The following PHLDB2 variants were observed in gnomAD, a reference collection of about 807,000 sequenced individuals.
PHLDB2 encodes pleckstrin homology-like domain family B member 2.
In PHLDB2, 71 loss-of-function variants were observed where a neutral mutation model predicts 123.6. The ratio of observed to expected loss-of-function variants is 0.57; its 90% CI spans 0.47 to 0.70. The LOEUF (loss-of-function observed/expected upper bound fraction) is 0.70. Among genes scored for constraint, PHLDB2 ranks in the 30% least tolerant of loss-of-function variants. The pLI is 0.00. For missense variants in PHLDB2, 1,446 were observed against 1,519.5 expected, an observed-to-expected ratio of 0.95 and a Z score of 0.80; for synonymous variants, 547 against 541.6, an observed-to-expected ratio of 1.01 and a Z score of -0.14.
At chr3:111,817,503 C>T (rs927198810) in intron 1 of PHLDB2, among the ~76,000 whole-genome samples, 2 of 152,198 alleles carry the variant, frequency 1.3e-5, no homozygotes, top group Non-Finnish European at 2.9e-5. Context: ...TTAGAAAGGT[C>T]ACTTTCTGAG....
chr3:111,850,330 A>T (rs1280688157), intron 2 of PHLDB2, among the ~76,000 whole-genome samples: 1 of 152,188 alleles, frequency 6.6e-6, no homozygotes, highest in African/African-American at 2.4e-5. Flanking sequence ...AGGGATAAAA[A>T]ACTGCACATT....
chr3:111,856,714 T>G (rs1159425729), upstream of PHLDB2, among the ~76,000 whole-genome samples: 1 of 152,308 alleles, frequency 6.6e-6, no homozygotes, highest in South Asian at 2.1e-4. Context: ...CACAGTGCTT[T>G]GGGTCAAAGC....
At chr3:111,834,080 C>T (rs62644683) in intron 1 of PHLDB2, among the ~76,000 whole-genome samples, 58,780 of 60,536 alleles carry the variant, frequency 0.97, 28,605 homozygotes, top group East Asian at 0.98. Flanking sequence ...ATTATATATA[C>T]TATATATGTA....
rs190391158 is a variant in PHLDB2 at position 111,742,308 on chromosome 3, T to C, written c.-49+9605T>C. ...TCAAATATTTTCCATTGTTCTTTTA[T>C]ATATATATATTTTTTATTATACTTT... On this transcript the variant is annotated intron_variant, in intron 1 of 17. Transcript: ENST00000393923. 1.7e-3 allele frequency among the ~76,000 whole-genome samples: 262 copies of C among 152,194 alleles called. 2 individuals are homozygous for C. Among genetic ancestry groups the C allele is most frequent in the African/African-American group, 5.9e-3 (244 of 41,556 alleles).
intron 1 of PHLDB2, among the ~76,000 whole-genome samples, chr3:111,798,013 A>T (rs1250616444): frequency 1.3e-5 from 2 of 152,174 alleles, no homozygotes; most frequent in African/African-American, 4.8e-5. Context: ...GCATGCTAGT[A>T]GTCCCAGCTA....
intron 2 of PHLDB2, among the ~76,000 whole-genome samples, chr3:111,912,229 A>C (rs988581572): frequency 7.9e-5 from 12 of 152,318 alleles, no homozygotes; most frequent in African/African-American, 1.9e-4. Flanking sequence ...AGAAGCAGAG[A>C]AGCATTTTGT....
At chr3:111,823,781 C>G (rs562379522) in intron 1 of PHLDB2, among the ~76,000 whole-genome samples, 84 of 152,106 alleles carry the variant, frequency 5.5e-4, no homozygotes, top group Non-Finnish European at 1.1e-3. Flanking sequence ...CCACTGAGAG[C>G]TATAAAGAAA....
chr3:111,966,738 T>C (rs1226898709), intron 14 of PHLDB2, 35 bp downstream of exon 14: 2 of 1,570,554 alleles, frequency 1.3e-6, no homozygotes, highest in South Asian at 2.2e-5. Context: ...AGGTCTGTGA[T>C]ACCGTGGTGC....
At chr3:111,932,194 T>G (rs1184295663) in intron 5 of PHLDB2, 75 bp from the exon 6 acceptor site, 1 of 1,457,296 alleles carries the variant, frequency 6.9e-7, no homozygotes, top group Admixed American at 2.2e-5. Flanking sequence ...ATGTTATCCT[T>G]GAGAAATGTT....
rs1338225452 is a variant in PHLDB2 at position 111,833,943 on chromosome 3, AATTATATATATAATATATGTAATG to A, written c.-48-11877_-48-11854del. 3.4e-5 allele frequency among the ~76,000 whole-genome samples: 3 copies of A among 87,356 alleles called. 1 individual carries two copies. Among genetic ancestry groups the A allele is most frequent in the African/African-American group, 1.6e-4 (3 of 18,520 alleles). 57.3% of individuals were successfully genotyped at this position (87,356 alleles called of 152,430 possible). A position where few individuals can be genotyped will look rare whatever the true frequency, so the allele number is the denominator to read the frequency against. On this transcript the variant is annotated intron_variant, in intron 1 of 17. Transcript: ENST00000393923. Reference sequence around the variant, plus strand: ...ATTATATATATAATATATGTAATGGAATTATATATATAATATATGTAATGGAATTATATATATAATATATGTAAT... The same window carrying A: ...ATTATATATATAATATATGTAATGGAGAATTATATATATAATATATGTAAT...
chr3:111,962,338 T>C (rs761423657), intron 13 of PHLDB2, 26 bp downstream of exon 13: 1 of 1,587,838 alleles, frequency 6.3e-7, no homozygotes, highest in Non-Finnish European at 8.5e-7. Context: ...GGGTAAGGTT[T>C]CTGGTTTGGA....
At chr3:111,743,202 C>T (rs1159431830) in intron 1 of PHLDB2, among the ~76,000 whole-genome samples, 1 of 152,120 alleles carries the variant, frequency 6.6e-6, no homozygotes, top group Non-Finnish European at 1.5e-5. Flanking sequence ...AGAGTAGAGA[C>T]AGTTGTGGTA....
At chr3:111,876,743 A>G (rs1445962790) in intron 1 of PHLDB2, among the ~76,000 whole-genome samples, 4 of 151,998 alleles carry the variant, frequency 2.6e-5, no homozygotes, top group South Asian at 2.1e-4. Context: ...CTGACAAGCC[A>G]TGGTGTGTGA....
intron 2 of PHLDB2, among the ~76,000 whole-genome samples, chr3:111,850,920 G>A (rs1212633428): frequency 1.3e-5 from 2 of 152,070 alleles, no homozygotes; most frequent in Admixed American, 1.3e-4. Flanking sequence ...TTTTGGCCAG[G>A]CGTGGTGGCT....
intron 8 of PHLDB2, among the ~76,000 whole-genome samples, chr3:111,943,104 A>T (rs1154263): frequency 3.9e-5 from 6 of 151,984 alleles, no homozygotes; most frequent in South Asian, 2.1e-4. Flanking sequence ...ACTTTGAACG[A>T]GAACAAAGTT....
intron 2 of PHLDB2, among the ~76,000 whole-genome samples, chr3:111,896,095 G>A (rs529358285): frequency 6.6e-6 from 1 of 152,116 alleles, no homozygotes; most frequent in Admixed American, 6.5e-5. Flanking sequence ...TGGGATTACA[G>A]GTGCATGCCA....
At chr3:111,880,686 T>C (rs2065890650) in intron 1 of PHLDB2, among the ~76,000 whole-genome samples, 1 of 152,134 alleles carries the variant, frequency 6.6e-6, no homozygotes, top group Admixed American at 6.6e-5. Flanking sequence ...TGGCATTTTT[T>C]TTTTTTCAAG....
chr3:111,919,329 C>T, intron 4 of PHLDB2, 114 bp downstream of exon 4: 1 of 1,088,402 alleles, frequency 9.2e-7, no homozygotes, highest in Admixed American at 2.1e-5. Context: ...CACAAGCAAA[C>T]ATTTATTCAG....
intron 1 of PHLDB2, among the ~76,000 whole-genome samples, chr3:111,832,760 C>T (rs868070222): frequency 5.5e-5 from 1 of 18,272 alleles, no homozygotes; most frequent in African/African-American, 4.9e-4. Flanking sequence ...TAGAATTATA[C>T]ATATAATATA....
Sources: gnomAD v4.1 joint callset for allele counts (sites outside exome capture counted in the v4.1 genomes callset) on GRCh38, gnomAD v4.1.1 for gene constraint, MANE v1.5 for transcripts, NCBI Gene and HGNC (gene_info 2026-07-23, HGNC 2026-07-21) for gene names.